The following CTNNA3 variants were observed in gnomAD, a reference collection of about 807,000 sequenced individuals.
CTNNA3 encodes the protein catenin alpha-3.
In CTNNA3, 76 loss-of-function variants were observed where a neutral mutation model predicts 95.7. That is an observed-to-expected ratio of 0.79 (90% CI 0.66 to 0.96). The LOEUF (loss-of-function observed/expected upper bound fraction) is 0.96, where lower values mean the gene tolerates loss of function less well. Ranked by LOEUF, CTNNA3 falls within the 40% of genes least tolerant of loss-of-function variation. The pLI is 0.00. For synonymous variants in CTNNA3, 431 were observed against 374.4 expected, an observed-to-expected ratio of 1.15 and a Z score of -1.74; for missense variants, 1,191 against 1,089.8, an observed-to-expected ratio of 1.09 and a Z score of -1.31.
chr10:67,072,625 C>T (rs1345304646), intron 7 of CTNNA3, among the ~76,000 whole-genome samples: 1 of 152,090 alleles, frequency 6.6e-6, no homozygotes, highest in South Asian at 2.1e-4. Context: ...GTAGTCTTCC[C>T]CTTGTTTATC....
At chr10:67,589,293 T>C (rs573221765) in intron 3 of CTNNA3, among the ~76,000 whole-genome samples, 2 of 152,168 alleles carry the variant, frequency 1.3e-5, no homozygotes, top group South Asian at 4.1e-4. Flanking sequence ...TATTTGCATA[T>C]CTATTTTTCC....
chr10:66,943,530 T>C lies in CTNNA3; in HGVS notation c.1048-168006A>G, dbSNP rs912973104. On this transcript the variant is annotated intron_variant, in intron 7 of 17. Transcript: ENST00000433211. ...CCAATTCCCCCACCCTTTTTTTTTT[T>C]TTCAGTATTAGCATTGGCTTCCAGT... Among the ~76,000 whole-genome samples, 8 of 151,972 alleles carry C rather than the reference T, an allele frequency of 5.3e-5. No homozygotes were observed. The East Asian group carries it at 1.5e-3, about 29-fold the overall frequency.
At chr10:65,926,631 C>A (rs1325399328) in intron 17 of CTNNA3, among the ~76,000 whole-genome samples, 1 of 152,014 alleles carries the variant, frequency 6.6e-6, no homozygotes, top group Non-Finnish European at 1.5e-5. Flanking sequence ...CATGTGCCAC[C>A]ACACCTGGCT....
chr10:67,222,638 C>G (rs1016337346), intron 5 of CTNNA3, among the ~76,000 whole-genome samples: 1 of 152,164 alleles, frequency 6.6e-6, no homozygotes, highest in African/African-American at 2.4e-5. Flanking sequence ...ATCAGTGTAA[C>G]TTAGAGGATA....
At chr10:66,008,337 T>A (rs1262730238) in intron 15 of CTNNA3, among the ~76,000 whole-genome samples, 1 of 152,232 alleles carries the variant, frequency 6.6e-6, no homozygotes, top group Non-Finnish European at 1.5e-5. Context: ...GAATAACTTC[T>A]TTGCCACTTA....
chr10:66,279,059 A>G (rs906707701), intron 13 of CTNNA3, among the ~76,000 whole-genome samples: 1 of 152,040 alleles, frequency 6.6e-6, no homozygotes, highest in African/African-American at 2.4e-5. Flanking sequence ...TCTCTTTGAT[A>G]TGGTAATTGG....
intron 7 of CTNNA3, among the ~76,000 whole-genome samples, chr10:66,930,298 C>T (rs934504893): frequency 6.6e-5 from 10 of 152,278 alleles, no homozygotes; most frequent in African/African-American, 2.4e-4. Flanking sequence ...GTTGAATATA[C>T]ATGTATTCAT....
At chr10:67,038,300 C>A (rs1854189757) in intron 7 of CTNNA3, among the ~76,000 whole-genome samples, 1 of 152,026 alleles carries the variant, frequency 6.6e-6, no homozygotes, top group African/African-American at 2.4e-5. Context: ...TCCTTCAGTC[C>A]TTCAAATGTA....
At chr10:67,328,380 G>C (rs12252284) in intron 5 of CTNNA3, among the ~76,000 whole-genome samples, 10,385 of 152,272 alleles carry the variant, frequency 0.068, 530 homozygotes, top group East Asian at 0.26. Context: ...TCTCAGGTCA[G>C]ACTGGCCTCG....
chr10:66,251,201 C>T (rs2090537921), intron 13 of CTNNA3, among the ~76,000 whole-genome samples: 1 of 152,064 alleles, frequency 6.6e-6, no homozygotes, highest in South Asian at 2.1e-4. Flanking sequence ...GTGGCCTGCC[C>T]TAAAACATTC....
chr10:66,269,904 A>T (rs570936092), intron 13 of CTNNA3, among the ~76,000 whole-genome samples: 7 of 152,308 alleles, frequency 4.6e-5, no homozygotes, highest in African/African-American at 1.7e-4. Flanking sequence ...AGAAGCTTCT[A>T]CGAAGACAAA....
chr10:66,522,783 G>A (rs1205641838), intron 10 of CTNNA3, among the ~76,000 whole-genome samples: 1 of 151,416 alleles, frequency 6.6e-6, no homozygotes. Flanking sequence ...GTTATCACAA[G>A]TTAGCACAAG....
chr10:66,639,110 A>G (rs547490205), intron 9 of CTNNA3, among the ~76,000 whole-genome samples: 124 of 152,264 alleles, frequency 8.1e-4, no homozygotes, highest in Non-Finnish European at 1.6e-3. Context: ...ATATTTTGCT[A>G]TAATGCAGTA....
At chr10:67,325,138 A>G (rs757947436) in intron 5 of CTNNA3, among the ~76,000 whole-genome samples, 5 of 151,700 alleles carry the variant, frequency 3.3e-5, no homozygotes, top group Non-Finnish European at 7.4e-5. Flanking sequence ...TTCCTTCTTT[A>G]TTAGTCTAGC....
chr10:66,613,197 T>A (rs1181124066), intron 10 of CTNNA3, among the ~76,000 whole-genome samples: 1 of 152,086 alleles, frequency 6.6e-6, no homozygotes, highest in Non-Finnish European at 1.5e-5. Flanking sequence ...TTATCTAATT[T>A]TTTACCCCAC....
chr10:66,962,295 G>T (rs549116055), intron 7 of CTNNA3, among the ~76,000 whole-genome samples: 1 of 152,116 alleles, frequency 6.6e-6, no homozygotes, highest in African/African-American at 2.4e-5. Flanking sequence ...CTTATTACAG[G>T]AAGAGAACTT....
At chr10:66,126,455 T>C (rs1408935423) in intron 13 of CTNNA3, among the ~76,000 whole-genome samples, 2 of 152,184 alleles carry the variant, frequency 1.3e-5, no homozygotes, top group African/African-American at 4.8e-5. Flanking sequence ...TATATTCCCT[T>C]GCTCTGTCAG....
At chr10:67,623,326 A>G (rs978226773) in intron 2 of CTNNA3, among the ~76,000 whole-genome samples, 24 of 152,206 alleles carry the variant, frequency 1.6e-4, no homozygotes, top group African/African-American at 5.5e-4. Context: ...AGCCAATCAA[A>G]TCTGTCTGTA....
intron 15 of CTNNA3, among the ~76,000 whole-genome samples, chr10:66,017,394 G>A (rs1372617257): frequency 6.6e-6 from 1 of 152,086 alleles, no homozygotes; most frequent in African/African-American, 2.4e-5. Context: ...GATAGTCAAA[G>A]TGAGTACTAT....
Sources: gnomAD v4.1 joint callset for allele counts (sites outside exome capture counted in the v4.1 genomes callset) on GRCh38, gnomAD v4.1.1 for gene constraint, MANE v1.5 for transcripts, NCBI Gene and HGNC (gene_info 2026-07-23, HGNC 2026-07-21) for gene names.